Variants in NR3C1 observed in about 807,000 individuals in gnomAD.
NR3C1 encodes glucocorticoid receptor.
In NR3C1, 14 loss-of-function variants were observed where a neutral mutation model predicts 74.0. The observed-to-expected ratio is 0.19, with a 90% CI of 0.12 to 0.30. NR3C1 has a LOEUF of 0.30. NR3C1 is among the 10% of genes least tolerant of loss of function. The pLI, the probability that NR3C1 is intolerant of heterozygous loss-of-function variation, is 1.00. For synonymous variants in NR3C1, 308 were observed against 332.5 expected (o/e 0.93, Z 0.80); for missense variants, 695 against 909.8 (o/e 0.76, Z 3.04).
Position 143,399,772 on chromosome 5 carries a change from T to A in NR3C1, c.1068A>T (p.Pro356=), listed in dbSNP as rs759732509. The change falls in exon 2 of 9, where the codon CCA becomes CCT. Residue 356 remains proline (P), a synonymous_variant. Transcript: ENST00000394464. ...DQKPIFNVIP[P]IPVGSENWNR... is the part of the protein sequence containing the mutation. ...TCCAATTTTCGGAACCAACGGGAAT[T>A]GGTGGAATGACATTAAAAATAGGCT... 1 of 1,614,192 alleles carries A rather than the reference T, an allele frequency of 6.2e-7. No homozygotes were observed.
In NR3C1 at chr5:143,357,499, T is replaced by C. The variant is rs528237578; in HGVS notation, c.1184+42157A>G. Among the ~76,000 whole-genome samples the C allele has an allele frequency of 3.9e-5, 6 of 152,310 alleles. No individual in the cohort carries two copies. In the East Asian group the frequency reaches 1.2e-3, roughly 29 times the overall value. On this transcript the variant is annotated intron_variant, in intron 2 of 8. Transcript: ENST00000394464. ...TAATTCTACAAACATTTAAAAAGAA[T>C]TCTGTAATCCTCAGTGTGCAGCTGC...
upstream of NR3C1, among the ~76,000 whole-genome samples, chr5:143,406,226 C>G (rs1841101307): frequency 6.6e-6 from 1 of 151,894 alleles, no homozygotes; most frequent in Admixed American, 6.6e-5. Flanking sequence ...TGAATCTCTG[C>G]TCTAAGAATC....
chr5:143,416,609 G>T (rs946597176), intron 1 of NR3C1, among the ~76,000 whole-genome samples: 2 of 151,884 alleles, frequency 1.3e-5, no homozygotes, highest in Non-Finnish European at 2.9e-5. Flanking sequence ...TTCCTCTTCA[G>T]CCAGCTGGAG....
chr5:143,370,980 T>C (rs1017658950), intron 2 of NR3C1, among the ~76,000 whole-genome samples: 3 of 152,230 alleles, frequency 2.0e-5, no homozygotes, highest in Non-Finnish European at 2.9e-5. Flanking sequence ...ATCTAGACCA[T>C]AGCCAAGTCA....
intron 2 of NR3C1, among the ~76,000 whole-genome samples, chr5:143,368,609 G>A (rs1252570135): frequency 6.7e-6 from 1 of 150,084 alleles, no homozygotes; most frequent in African/African-American, 2.5e-5. Flanking sequence ...TTTTAAAATG[G>A]GCAAAGAATG....
At chr5:143,416,804 C>T (rs1457469074) in intron 1 of NR3C1, among the ~76,000 whole-genome samples, 1 of 152,192 alleles carries the variant, frequency 6.6e-6, no homozygotes, top group Non-Finnish European at 1.5e-5. Context: ...TTACCTGCTT[C>T]ACAAGTTTGG....
intron 2 of NR3C1, among the ~76,000 whole-genome samples, chr5:143,337,823 A>T (rs1438836657): frequency 2.6e-5 from 4 of 152,190 alleles, no homozygotes; most frequent in Non-Finnish European, 5.9e-5. Flanking sequence ...TTGTTTAAGG[A>T]TGTTTATATA....
chr5:143,301,002 T>C (rs540061556), intron 4 of NR3C1, among the ~76,000 whole-genome samples: 1 of 152,292 alleles, frequency 6.6e-6, no homozygotes, highest in East Asian at 1.9e-4. Context: ...GAAACTTCAT[T>C]AGAGTTATTC....
chr5:143,388,288 T>C (rs1032052964), intron 2 of NR3C1, among the ~76,000 whole-genome samples: 2 of 152,226 alleles, frequency 1.3e-5, no homozygotes, highest in Non-Finnish European at 2.9e-5. Context: ...CTTATTTCTA[T>C]CTGGGGAAGA....
At chr5:143,304,964 T>G (rs1350858583) in intron 4 of NR3C1, among the ~76,000 whole-genome samples, 1 of 152,090 alleles carries the variant, frequency 6.6e-6, no homozygotes, top group Non-Finnish European at 1.5e-5. Context: ...ACCTAGGAAA[T>G]AACCTTCTCG....
intron 7 of NR3C1, among the ~76,000 whole-genome samples, chr5:143,289,810 G>C (rs1308770823): frequency 6.6e-6 from 1 of 152,182 alleles, no homozygotes; most frequent in African/African-American, 2.4e-5. Context: ...GAGGCTGACA[G>C]TACCAAGTAC....
intron 1 of NR3C1, among the ~76,000 whole-genome samples, chr5:143,426,152 A>G (rs1751517018): frequency 6.6e-6 from 1 of 152,208 alleles, no homozygotes. Flanking sequence ...TTCCATTTAT[A>G]TGCAATGTTC....
chr5:143,344,943 T>C (rs1200285646), intron 2 of NR3C1, among the ~76,000 whole-genome samples: 2 of 152,138 alleles, frequency 1.3e-5, no homozygotes, highest in African/African-American at 2.4e-5. Flanking sequence ...CCAGGGCCAC[T>C]GTCTGTGTAG....
chr5:143,301,018 A>C (rs1818379549), intron 4 of NR3C1, among the ~76,000 whole-genome samples: 2 of 152,200 alleles, frequency 1.3e-5, no homozygotes, highest in African/African-American at 4.8e-5. Context: ...TATTCCTTAT[A>C]CAAAGTATTA....
intron 1 of NR3C1, among the ~76,000 whole-genome samples, chr5:143,419,622 A>G (rs372749776): frequency 2.0e-5 from 3 of 152,278 alleles, no homozygotes; most frequent in East Asian, 3.9e-4. Flanking sequence ...AGGGACTTTC[A>G]AAAGGGGAGG....
intron 2 of NR3C1, among the ~76,000 whole-genome samples, chr5:143,320,154 A>G (rs2963147): frequency 0.99 from 151,542 of 152,364 alleles, 75,372 homozygotes; most frequent in Middle Eastern, 1. Context: ...TTAGCTAAAG[A>G]ATTACTGATT....
At chr5:143,412,143 G>A (rs1841313942) in intron 1 of NR3C1, among the ~76,000 whole-genome samples, 2 of 152,010 alleles carry the variant, frequency 1.3e-5, no homozygotes, top group Non-Finnish European at 1.5e-5. Context: ...AGGAGTCAGG[G>A]AGGGTTGTAG....
intron 3 of NR3C1, among the ~76,000 whole-genome samples, chr5:143,313,660 T>C (rs575149403): frequency 6.6e-6 from 1 of 152,306 alleles, no homozygotes; most frequent in East Asian, 1.9e-4. Context: ...ACCTATTAGC[T>C]TATGGAAGTT....
chr5:143,297,075 C>CAAAAA (rs766243522), intron 6 of NR3C1, among the ~76,000 whole-genome samples: 256 of 57,216 alleles, frequency 4.5e-3, no homozygotes, highest in Non-Finnish European at 5.5e-3. Flanking sequence ...AGACTCGTCT[C>CAAAAA]AAAAAAAAAA....
Sources: allele counts gnomAD v4.1 joint callset (sites outside exome capture counted in the v4.1 genomes callset), GRCh38; gene constraint gnomAD v4.1.1; transcripts MANE v1.5; gene names NCBI Gene and HGNC (gene_info 2026-07-23, HGNC 2026-07-21).